JAM3: variants seen among roughly 807,000 people sequenced by gnomAD.
The protein encoded by JAM3 is junctional adhesion molecule C.
Under a neutral mutation model 39.4 loss-of-function variants are expected in JAM3, and 31 were observed. The observed-to-expected ratio is 0.79, with a 90% CI of 0.59 to 1.06. The LOEUF (loss-of-function observed/expected upper bound fraction) is 1.06. JAM3 is among the 50% of genes least tolerant of loss of function. The pLI is 0.00. For synonymous variants in JAM3, 182 were observed against 148.7 expected, an observed-to-expected ratio of 1.22 and a Z score of -1.63; for missense variants, 455 against 391.4, an observed-to-expected ratio of 1.16 and a Z score of -1.37.
intron 1 of JAM3, among the ~76,000 whole-genome samples, chr11:134,069,876 T>C (rs568293682): frequency 6.6e-6 from 1 of 152,312 alleles, no homozygotes; most frequent in African/African-American, 2.4e-5. Flanking sequence ...AAAATGGATA[T>C]CAATCCAGTA....
rs61340861 is a variant in JAM3, at chr11:134,110,791, A to G, written c.77-29060A>G. ...GTGGTGGTTTCAAAGCTTTACGTAT[A>G]TGCTAAATTTTATCGAATTATATGG... is the stretch of plus-strand genomic sequence containing the variant. On this transcript the variant is annotated intron_variant, in intron 1 of 8. Coordinates refer to ENST00000299106, the MANE Select transcript of JAM3 (RefSeq NM_032801.5). 8.3e-3 allele frequency among the ~76,000 whole-genome samples: 1,261 copies of G among 152,304 alleles called. 18 individuals are homozygous for G. The highest frequency in any genetic ancestry group is 0.028 in the African/African-American group (1,172 of 41,564).
intron 1 of JAM3, among the ~76,000 whole-genome samples, chr11:134,077,760 C>T (rs1177511764): frequency 6.6e-6 from 1 of 150,590 alleles, no homozygotes; most frequent in African/African-American, 2.5e-5. Flanking sequence ...GATTCTCCTG[C>T]CTCAGCCTCC....
chr11:134,072,230 A>C (rs1314219258), intron 1 of JAM3, among the ~76,000 whole-genome samples: 3 of 152,172 alleles, frequency 2.0e-5, no homozygotes, highest in Non-Finnish European at 4.4e-5. Context: ...TAAAAGCACA[A>C]ATGTAGTAAA....
At chr11:134,130,752 C>T (rs1166052966) in intron 1 of JAM3, among the ~76,000 whole-genome samples, 2 of 152,210 alleles carry the variant, frequency 1.3e-5, no homozygotes, top group Non-Finnish European at 2.9e-5. Flanking sequence ...CGCAGCTTTC[C>T]TCTCAAACCG....
chr11:134,131,300 G>GAT (rs1942764883), intron 1 of JAM3, among the ~76,000 whole-genome samples: 3 of 151,964 alleles, frequency 2.0e-5, no homozygotes, highest in African/African-American at 7.3e-5. Context: ...AGACAGTCTT[G>GAT]ATTATACTCT....
rs551104110 is a variant in JAM3 at position 134,082,817 on chromosome 11, A to C, written c.76+13658A>C. Among the ~76,000 whole-genome samples the C allele has an allele frequency of 2.6e-5, 4 of 152,286 alleles. No homozygotes were observed. In the South Asian group the frequency reaches 8.3e-4, roughly 32 times the overall value. On this transcript the variant is annotated intron_variant, in intron 1 of 8. Transcript: ENST00000299106. ...TTATAACCCCCCCAGAAGACCATTT[A>C]TGCACCACCTCAGGTTGAGAAGCCT... is the stretch of plus-strand genomic sequence containing the variant.
chr11:134,077,727 C>T (rs1383044082), intron 1 of JAM3, among the ~76,000 whole-genome samples: 2 of 143,994 alleles, frequency 1.4e-5, no homozygotes, highest in African/African-American at 5.2e-5. Flanking sequence ...AATCTCGGCT[C>T]GGAAATCACT....
intron 5 of JAM3, chr11:134,145,338 G>C (rs776448622): frequency 2.4e-6 from 1 of 411,856 alleles, no homozygotes; most frequent in Non-Finnish European, 4.5e-6. Context: ...TTAAGCAACT[G>C]TTCATTGCTT....
chr11:134,140,911 T>C, intron 3 of JAM3, 141 bp downstream of exon 3: 1 of 1,121,088 alleles, frequency 8.9e-7, no homozygotes, highest in Non-Finnish European at 1.2e-6. Flanking sequence ...AGATTTATAA[T>C]TATGGAAAAT....
At chr11:134,079,688 CA>C (rs1404174631) in intron 1 of JAM3, among the ~76,000 whole-genome samples, 1 of 152,200 alleles carries the variant, frequency 6.6e-6, no homozygotes, top group African/African-American at 2.4e-5. Flanking sequence ...ACACTACCAC[CA>C]AAACATCCAC....
At chr11:134,140,222 T>A (rs1157522165) in intron 2 of JAM3, among the ~76,000 whole-genome samples, 1 of 152,140 alleles carries the variant, frequency 6.6e-6, no homozygotes, top group Non-Finnish European at 1.5e-5. Flanking sequence ...GGCGCAATCT[T>A]GGCTCACTGC....
intron 1 of JAM3, among the ~76,000 whole-genome samples, chr11:134,103,578 A>C (rs2120692318): frequency 6.6e-6 from 1 of 152,322 alleles, no homozygotes; most frequent in South Asian, 2.1e-4. Context: ...AAATTGGATA[A>C]AGAGTCAAGA....
At chr11:134,131,516 A>G (rs1942769947) in intron 1 of JAM3, among the ~76,000 whole-genome samples, 2 of 152,304 alleles carry the variant, frequency 1.3e-5, no homozygotes, top group African/African-American at 2.4e-5. Flanking sequence ...CAGCATCAAC[A>G]ACAACAACAA....
intron 3 of JAM3, among the ~76,000 whole-genome samples, chr11:134,143,195 G>A (rs537567403): frequency 6.6e-6 from 1 of 152,106 alleles, no homozygotes; most frequent in Non-Finnish European, 1.5e-5. Context: ...GCTGCTTTAC[G>A]ATTTTACACT....
chr11:134,119,316 C>G (rs1219979184), intron 1 of JAM3, among the ~76,000 whole-genome samples: 2 of 152,200 alleles, frequency 1.3e-5, no homozygotes, highest in Non-Finnish European at 2.9e-5. Context: ...GCTTTGAGGT[C>G]TTCCTGCTGG....
rs936160291 is a variant in JAM3, at chr11:134,151,520, TAGAG to T, written c.*2343_*2346del. 5 of 152,184 alleles carry T rather than the reference TAGAG, an allele frequency of 3.3e-5. No individual in the cohort carries two copies. The highest frequency in any genetic ancestry group is 2.1e-4 in the South Asian group (1 of 4,822). The allele number at this position is 152,184 out of a possible 1,614,324, so 9.4% of individuals were successfully genotyped here. ...GCCATGGGAACCAGGTCTGAAAAAG[TAGAG>T]AGAAGTGAAAGTAGAGTCTGGGAAG... On this transcript the variant is annotated 3_prime_UTR_variant, in exon 9 of 9. Transcript: ENST00000299106.
chr11:134,145,173 T>C, intron 5 of JAM3, 179 bp downstream of exon 5: 1 of 644,116 alleles, frequency 1.6e-6, no homozygotes, highest in Non-Finnish European at 2.8e-6. Context: ...ACAAGTACAT[T>C]CTTAGGGGGT....
chr11:134,096,923 A>G (rs933301063), intron 1 of JAM3, among the ~76,000 whole-genome samples: 3 of 152,112 alleles, frequency 2.0e-5, no homozygotes, highest in Non-Finnish European at 4.4e-5. Flanking sequence ...TATTATTACC[A>G]TTAAATATTA....
intron 1 of JAM3, among the ~76,000 whole-genome samples, chr11:134,130,379 C>T (rs762813293): frequency 3.3e-5 from 5 of 152,014 alleles, no homozygotes; most frequent in Non-Finnish European, 7.4e-5. Flanking sequence ...GTAACTTTTC[C>T]AGAAACTTCT....
Sources: allele counts gnomAD v4.1 joint callset (sites outside exome capture counted in the v4.1 genomes callset), GRCh38; gene constraint gnomAD v4.1.1; transcripts MANE v1.5; gene names NCBI Gene and HGNC (gene_info 2026-07-23, HGNC 2026-07-21).